The following SLC9A1 variants were observed in gnomAD, a reference collection of about 807,000 sequenced individuals.
SLC9A1 encodes the protein solute carrier family 9 member A1.
Under a neutral mutation model 67.9 loss-of-function variants are expected in SLC9A1, and 22 were observed. The ratio of observed to expected loss-of-function variants is 0.32; its 90% CI spans 0.23 to 0.46. The LOEUF is 0.46. SLC9A1 is among the 20% of genes least tolerant of loss of function. The pLI is 1.00. For missense variants in SLC9A1, 686 were observed against 1,094.8 expected (o/e 0.63, Z 5.27); for synonymous variants, 421 against 471.8 (o/e 0.89, Z 1.40).
chr1:27,147,995 C>T (rs1464127105), intron 1 of SLC9A1, among the ~76,000 whole-genome samples: 1 of 142,306 alleles, frequency 7.0e-6, no homozygotes. Context: ...ACTCTTGTAT[C>T]AAAAAAAAAA....
intron 1 of SLC9A1, among the ~76,000 whole-genome samples, chr1:27,141,710 C>T (rs1015704507): frequency 1.3e-5 from 2 of 152,192 alleles, no homozygotes; most frequent in Non-Finnish European, 2.9e-5. Context: ...AGTGCTCAGT[C>T]AGGGAAGCGG....
intron 1 of SLC9A1, among the ~76,000 whole-genome samples, chr1:27,129,526 T>C (rs367833470): frequency 1.3e-5 from 2 of 152,068 alleles, no homozygotes; most frequent in Non-Finnish European, 2.9e-5. Flanking sequence ...GAAACAGCAA[T>C]GGGAGGTCAG....
At position 27,114,348 on chromosome 1, in the gene SLC9A1, T is replaced by G; in HGVS notation, c.353-62A>C. On this transcript the variant is annotated intron_variant, in intron 1 of 11. Transcript: ENST00000263980. This position sits in a 1 kb window ranked among gnomAD's most constrained non-coding sequence, Gnocchi z 5.4. ...CGGAGGAGCCAGGAGAATAGAAGGT[T>G]GGGGATGGGCCGGGGATGAGGAGCG... The G allele has an allele frequency of 7.1e-7, 1 of 1,417,016 alleles. No homozygotes were observed. The highest frequency in any genetic ancestry group is 9.7e-7 in the Non-Finnish European group (1 of 1,025,998). The allele number at this position is 1,417,016 out of a possible 1,614,324, so 87.8% of individuals were successfully genotyped here.
chr1:27,113,324 G>C (rs888724055), intron 2 of SLC9A1, among the ~76,000 whole-genome samples: 4 of 152,098 alleles, frequency 2.6e-5, no homozygotes, highest in African/African-American at 9.7e-5. Flanking sequence ...GCCGGGTGTG[G>C]TGGTGCATGC....
chr1:27,110,175 G>A (rs977312703), intron 2 of SLC9A1, among the ~76,000 whole-genome samples: 8 of 152,196 alleles, frequency 5.3e-5, no homozygotes, highest in African/African-American at 1.9e-4. Flanking sequence ...CTAAATCAGC[G>A]AATCAAGTGC....
intron 3 of SLC9A1, among the ~76,000 whole-genome samples, chr1:27,108,354 CAT>C (rs1491162453): frequency 7.8e-6 from 1 of 128,870 alleles, no homozygotes; most frequent in Non-Finnish European, 1.7e-5. Context: ...GCGACGAGCG[CAT>C]GCCCGGCCCT....
At chr1:27,147,389 G>A (rs375821718) in intron 1 of SLC9A1, among the ~76,000 whole-genome samples, 71 of 151,826 alleles carry the variant, frequency 4.7e-4, no homozygotes, top group African/African-American at 1.6e-3. Flanking sequence ...CTACTTGGGA[G>A]GTTGAAGTAG....
At chr1:27,151,943 CTG>C in intron 1 of SLC9A1, among the ~76,000 whole-genome samples, 1 of 152,296 alleles carries the variant, frequency 6.6e-6, no homozygotes, top group East Asian at 1.9e-4. Flanking sequence ...AATGGGAAAA[CTG>C]AGGTCCAAGG....
chr1:27,113,591 G>A (rs984283867), intron 2 of SLC9A1, among the ~76,000 whole-genome samples: 23 of 152,288 alleles, frequency 1.5e-4, no homozygotes, highest in African/African-American at 5.5e-4. Flanking sequence ...TAACTTCTTT[G>A]GGCCTGTGTC....
intron 1 of SLC9A1, among the ~76,000 whole-genome samples, chr1:27,123,075 T>C (rs1408843440): frequency 6.6e-6 from 1 of 152,180 alleles, no homozygotes; most frequent in Non-Finnish European, 1.5e-5. Context: ...AAGACTCTCA[T>C]GGCTGGATTG....
chr1:27,104,714 A>AT (rs1427915373), intron 5 of SLC9A1, among the ~76,000 whole-genome samples: 2 of 152,194 alleles, frequency 1.3e-5, no homozygotes, highest in Non-Finnish European at 2.9e-5. Flanking sequence ...AGGACAGAAA[A>AT]TAAGCCCAGC....
intron 1 of SLC9A1, among the ~76,000 whole-genome samples, chr1:27,115,494 G>A (rs751676252): frequency 3.3e-5 from 5 of 152,144 alleles, no homozygotes; most frequent in Non-Finnish European, 5.9e-5. Flanking sequence ...GCATAGCCAA[G>A]AGGGTTTGTC....
intron 5 of SLC9A1, 137 bp downstream of exon 5, chr1:27,105,748 C>T: frequency 1.3e-6 from 1 of 775,344 alleles, no homozygotes; most frequent in Non-Finnish European, 2.3e-6. Flanking sequence ...GGGAGTGGCT[C>T]GCCCAAGGTC....
intron 2 of SLC9A1, among the ~76,000 whole-genome samples, chr1:27,111,522 A>G (rs1327482605): frequency 1.3e-5 from 2 of 152,196 alleles, no homozygotes; most frequent in Non-Finnish European, 2.9e-5. Context: ...TAGGCCAGAC[A>G]CAGTGGCTCA....
intron 1 of SLC9A1, among the ~76,000 whole-genome samples, chr1:27,126,251 G>A (rs1382367693): frequency 6.6e-6 from 1 of 152,102 alleles, no homozygotes; most frequent in African/African-American, 2.4e-5. Flanking sequence ...TAAGCCTCGT[G>A]AGGGCAGCCT....
At chr1:27,149,162 GGA>G (rs1309707839) in intron 1 of SLC9A1, among the ~76,000 whole-genome samples, 1 of 152,178 alleles carries the variant, frequency 6.6e-6, no homozygotes, top group Non-Finnish European at 1.5e-5. Flanking sequence ...ACTCCTAGAG[GGA>G]GTCCTACAAT....
intron 1 of SLC9A1, among the ~76,000 whole-genome samples, chr1:27,148,991 G>A (rs780724882): frequency 1.3e-5 from 2 of 152,206 alleles, no homozygotes; most frequent in Non-Finnish European, 2.9e-5. Flanking sequence ...GAGATAGCAG[G>A]CAGGGTTGCT....
chr1:27,102,890 C>A (rs2083157935), intron 6 of SLC9A1, 147 bp from the exon 7 acceptor site: 2 of 710,176 alleles, frequency 2.8e-6, no homozygotes, highest in Non-Finnish European at 4.9e-6. Context: ...GGCGCCCACA[C>A]TCCACTCATC....
chr1:27,131,947 A>AATATATATATATATATATATATAT (rs71010329), intron 1 of SLC9A1, among the ~76,000 whole-genome samples: 1 of 52,124 alleles, frequency 1.9e-5, no homozygotes, highest in African/African-American at 6.3e-5. Flanking sequence ...AGAAAAAAAA[A>AATATATATATATATATATATATAT]ATATATATAT....
Sources: allele counts gnomAD v4.1 joint callset (sites outside exome capture counted in the v4.1 genomes callset), GRCh38; gene constraint gnomAD v4.1.1; non-coding constraint Gnocchi (gnomAD v3.1); transcripts MANE v1.5; gene names NCBI Gene and HGNC (gene_info 2026-07-23, HGNC 2026-07-21).